Variants in NCAM1 observed in about 807,000 individuals in gnomAD.
NCAM1 encodes neural cell adhesion molecule 1, also known as antigen recognized by monoclonal antibody 5.1H11.
In NCAM1, 14 loss-of-function variants were observed where a neutral mutation model predicts 109.8. The observed-to-expected ratio is 0.13, with a 90% CI of 0.08 to 0.20. The LOEUF (loss-of-function observed/expected upper bound fraction) is 0.20. Among genes scored for constraint, NCAM1 ranks in the 10% least tolerant of loss-of-function variants. NCAM1 has a pLI of 1.00. For synonymous variants in NCAM1, 418 were observed against 442.9 expected, an observed-to-expected ratio of 0.94 and a Z score of 0.70; for missense variants, 774 against 1,109.9, an observed-to-expected ratio of 0.70 and a Z score of 4.30.
At chr11:113,241,056 C>A (rs1465743019) in intron 14 of NCAM1, among the ~76,000 whole-genome samples, 1 of 152,174 alleles carries the variant, frequency 6.6e-6, no homozygotes, top group Non-Finnish European at 1.5e-5. Context: ...AAGCATTGTT[C>A]TGGATAGAAA....
chr11:113,252,939 C>T (rs1424734071), intron 15 of NCAM1, among the ~76,000 whole-genome samples: 2 of 150,718 alleles, frequency 1.3e-5, no homozygotes, highest in Non-Finnish European at 2.9e-5. Flanking sequence ...GTGTGAGCCA[C>T]TGTGACCAGC....
intron 1 of NCAM1, among the ~76,000 whole-genome samples, chr11:113,096,521 C>A (rs375822896): frequency 2.6e-5 from 4 of 152,000 alleles, no homozygotes; most frequent in African/African-American, 9.7e-5. Context: ...AGCCCAGCTC[C>A]GAGGTCAGGG....
chr11:113,240,437 C>G (rs1393541734), intron 14 of NCAM1: 2 of 292,476 alleles, frequency 6.8e-6, no homozygotes, highest in African/African-American at 4.3e-5. Context: ...AAACTGAGGT[C>G]CAGATTCCTT....
chr11:113,261,529 C>T (rs1162805001), intron 17 of NCAM1, among the ~76,000 whole-genome samples: 2 of 152,086 alleles, frequency 1.3e-5, no homozygotes, highest in Non-Finnish European at 1.5e-5. Context: ...TCTCCACAGT[C>T]GCTGGTCAGA....
At position 113,275,343 on chromosome 11, in the gene NCAM1, C is replaced by T; in HGVS notation, c.2533C>T (p.Pro845Ser). The change falls in exon 20 of 20, where the codon CCC becomes TCC. Residue 845 changes from proline to serine, a missense_variant. Transcript: ENST00000316851. ...AGCGCCAGCCGAAGTCAAGACGGTCCCCAATGACGCCACACAGACAAAGGA... is the reference window on the plus strand; with the variant it reads ...AGCGCCAGCCGAAGTCAAGACGGTCTCCAATGACGCCACACAGACAAAGGA... ...KPAPAEVKTVPNDATQTKENE... is the reference protein window; with the variant it reads ...KPAPAEVKTVSNDATQTKENE... The T allele has an allele frequency of 6.2e-7, 1 of 1,613,408 alleles. No individual in the cohort carries two copies. Among genetic ancestry groups the T allele is most frequent in the South Asian group, 1.1e-5 (1 of 90,960 alleles).
intron 1 of NCAM1, among the ~76,000 whole-genome samples, chr11:113,199,617 G>T (rs2574822): frequency 6.3e-5 from 9 of 142,964 alleles, no homozygotes; most frequent in African/African-American, 2.4e-4. Context: ...GGAACATCAC[G>T]CTCTGGGGAC....
At position 113,277,517 on chromosome 11, in the gene NCAM1, G is replaced by A. The variant is rs1591482352; in HGVS notation, c.*2130G>A. 2 of 398,566 alleles carry A rather than the reference G, an allele frequency of 5.0e-6. No homozygotes were observed. Among genetic ancestry groups the A allele is most frequent in the East Asian group, 7.1e-5 (2 of 28,058 alleles). The allele number at this position is 398,566 out of a possible 1,614,324, so 24.7% of individuals were successfully genotyped here. ...TGAGAGCCTGGGTGTCTGAGACCGG[G>A]AGGGCCCAGCAGTGAGGGGCAGGCT... On this transcript the variant is annotated 3_prime_UTR_variant, in exon 20 of 20. Coordinates refer to ENST00000316851, the MANE Select transcript of NCAM1 (RefSeq NM_181351.5).
intron 1 of NCAM1, among the ~76,000 whole-genome samples, chr11:113,036,770 T>G (rs1032450939): frequency 4.6e-5 from 7 of 152,104 alleles, no homozygotes; most frequent in Non-Finnish European, 1.0e-4. Context: ...CTCAAATATT[T>G]CAAGGAAATT....
chr11:113,107,839 G>A (rs894721325), intron 1 of NCAM1, among the ~76,000 whole-genome samples: 4 of 152,184 alleles, frequency 2.6e-5, no homozygotes, highest in African/African-American at 7.2e-5. Context: ...TTAAGGGAGT[G>A]TAGTCCTCTG....
At chr11:113,251,052 C>T (rs1555121212) in intron 15 of NCAM1, among the ~76,000 whole-genome samples, 1 of 152,226 alleles carries the variant, frequency 6.6e-6, no homozygotes, top group African/African-American at 2.4e-5. Flanking sequence ...CCACCCACCT[C>T]AGCCTCCCAA....
At chr11:113,077,353 C>T (rs1204488144) in intron 1 of NCAM1, among the ~76,000 whole-genome samples, 1 of 152,138 alleles carries the variant, frequency 6.6e-6, no homozygotes, top group Non-Finnish European at 1.5e-5. Flanking sequence ...GAAGAGCAAG[C>T]CAAGAAGTTC....
At chr11:113,208,044 C>A in intron 7 of NCAM1, 42 bp downstream of exon 7, 2 of 1,567,902 alleles carry the variant, frequency 1.3e-6, no homozygotes, top group Non-Finnish European at 1.7e-6. Flanking sequence ...TGCCACAATT[C>A]CCCTTCCTCT....
chr11:113,233,442 T>A lies in NCAM1; in HGVS notation c.1693+125T>A. 3 of 1,064,242 alleles carry A rather than the reference T, an allele frequency of 2.8e-6. No homozygotes were observed. Among genetic ancestry groups the A allele is most frequent in the Non-Finnish European group, 4.1e-6 (3 of 735,760 alleles). The allele number at this position is 1,064,242 out of a possible 1,614,324, so 65.9% of individuals were successfully genotyped here. On this transcript the variant is annotated intron_variant, in intron 13 of 19. Coordinates refer to ENST00000316851, the MANE Select transcript of NCAM1 (RefSeq NM_181351.5). This position sits in a 1 kb window ranked among gnomAD's most constrained non-coding sequence, Gnocchi z 4.5. ...CTGCACCTCCAGAATTAGGTCAAAG[T>A]CATATCTGCCTGTAGAGTTGTTGCC... is the stretch of plus-strand genomic sequence containing the variant.
At chr11:113,144,284 A>G (rs1941934924) in intron 1 of NCAM1, among the ~76,000 whole-genome samples, 1 of 152,206 alleles carries the variant, frequency 6.6e-6, no homozygotes, top group African/African-American at 2.4e-5. Context: ...GGTCTTTGTC[A>G]TGATGACCCT....
intron 1 of NCAM1, among the ~76,000 whole-genome samples, chr11:113,175,366 A>G (rs1943114853): frequency 6.6e-6 from 1 of 152,242 alleles, no homozygotes; most frequent in Non-Finnish European, 1.5e-5. Context: ...CAATTTGGAA[A>G]GCAGTTGAAT....
At chr11:113,132,876 C>A in intron 1 of NCAM1, 1 of 152,482 alleles carries the variant, frequency 6.6e-6, no homozygotes, top group Non-Finnish European at 1.5e-5. Context: ...CACCAGAGGC[C>A]TCTTCCACAG....
chr11:113,145,905 C>T (rs1467326811), intron 1 of NCAM1, among the ~76,000 whole-genome samples: 3 of 152,118 alleles, frequency 2.0e-5, no homozygotes, highest in Non-Finnish European at 4.4e-5. Flanking sequence ...AAACAAGCAT[C>T]GCCATAGAAA....
chr11:113,016,246 G>A (rs1413350781), intron 1 of NCAM1, among the ~76,000 whole-genome samples: 1 of 152,184 alleles, frequency 6.6e-6, no homozygotes, highest in Non-Finnish European at 1.5e-5. Context: ...CCTCATGGCA[G>A]CCTTTTAGGA....
intron 7 of NCAM1, among the ~76,000 whole-genome samples, chr11:113,213,644 C>A (rs1419035379): frequency 2.6e-5 from 4 of 152,192 alleles, no homozygotes; most frequent in African/African-American, 9.7e-5. Flanking sequence ...TCAGTTGCCA[C>A]TTATTGAACC....
Sources: gnomAD v4.1 joint callset for allele counts (sites outside exome capture counted in the v4.1 genomes callset) on GRCh38, gnomAD v4.1.1 for gene constraint, Gnocchi (gnomAD v3.1) non-coding constraint, MANE v1.5 for transcripts, NCBI Gene and HGNC (gene_info 2026-07-23, HGNC 2026-07-21) for gene names.